Variants in IKZF4 observed in about 807,000 individuals in gnomAD.
IKZF4 encodes zinc finger protein Eos.
IKZF4 carries 11 observed loss-of-function variants against 47.7 expected under a neutral mutation model. The observed-to-expected ratio is 0.23, with a 90% CI of 0.15 to 0.38. IKZF4 has a LOEUF of 0.38. Ranked by LOEUF, IKZF4 falls within the 10% of genes least tolerant of loss-of-function variation. The pLI, the probability that IKZF4 is intolerant of heterozygous loss-of-function variation, is 1.00. For missense variants in IKZF4, 557 were observed against 784.9 expected, an observed-to-expected ratio of 0.71 and a Z score of 3.47; for synonymous variants, 298 against 299.4, an observed-to-expected ratio of 1.00 and a Z score of 0.05.
upstream of IKZF4, among the ~76,000 whole-genome samples, chr12:56,016,655 G>A (rs752851283): frequency 3.3e-5 from 5 of 151,874 alleles, no homozygotes; most frequent in Non-Finnish European, 5.9e-5. Flanking sequence ...GGAGTGCAAC[G>A]GCGTGATCTT....
At position 56,032,652 on chromosome 12, in the gene IKZF4, G is replaced by A; in HGVS notation, c.807G>A (p.Arg269=). The change falls in exon 6 of 8, where the codon CGG becomes CGA. Residue 269 remains arginine (R), a synonymous_variant. Coordinates refer to ENST00000547167, the MANE Select transcript of IKZF4 (RefSeq NM_022465.4). ...QQSTLEEHKE[R]CHNYLQSLST... ...GTACCCTGGAGGAGCACAAGGAGCG[G>A]TGCCATAACTACCTACAGAGTCTCA... The A allele has an allele frequency of 6.2e-7, 1 of 1,614,036 alleles. No individual in the cohort carries two copies. Among genetic ancestry groups the A allele is most frequent in the Non-Finnish European group, 8.5e-7 (1 of 1,179,900 alleles).
chr12:56,018,247 G>A (rs1331549394), upstream of IKZF4: 7 of 1,166,730 alleles, frequency 6.0e-6, no homozygotes, highest in Non-Finnish European at 8.0e-6. Context: ...AGAGCAGAGA[G>A]CCTTCAGCCT....
upstream of IKZF4, among the ~76,000 whole-genome samples, chr12:56,016,658 G>A (rs952658740): frequency 9.9e-5 from 15 of 151,644 alleles, no homozygotes; most frequent in African/African-American, 2.9e-4. Context: ...GTGCAACGGC[G>A]TGATCTTGGG....
rs904871226 is a variant in IKZF4 at position 56,032,717 on chromosome 12, C to A, written c.865+7C>A. The A allele has an allele frequency of 6.2e-7, 1 of 1,613,914 alleles. No homozygotes were observed. The highest frequency in any genetic ancestry group is 8.5e-7 in the Non-Finnish European group (1 of 1,179,842). ...GCTTTGGCTGGCCAACCAGGTAGGG[C>A]TATTGATGTACTACTGGGGAGTTAA... is the stretch of plus-strand genomic sequence containing the variant. On this transcript the variant is annotated splice_region_variant and intron_variant, in intron 6 of 7. Coordinates refer to ENST00000547167, the MANE Select transcript of IKZF4 (RefSeq NM_022465.4).
intron 1 of IKZF4, among the ~76,000 whole-genome samples, chr12:56,008,671 A>T (rs1363013543): frequency 4.0e-5 from 5 of 124,582 alleles, no homozygotes; most frequent in Admixed American, 1.8e-4. Context: ...CTTCCAGGAA[A>T]TTTTTTTTTT....
chr12:56,007,687 C>T (rs1026902864), exon 1 of IKZF4: 1 of 152,406 alleles, frequency 6.6e-6, no homozygotes, highest in Non-Finnish European at 1.5e-5. Context: ...CAACACTGTC[C>T]CCTCTCCCCA....
chr12:56,032,399 G>A (rs781163549), intron 5 of IKZF4, 162 bp from the exon 6 acceptor site: 6 of 652,508 alleles, frequency 9.2e-6, no homozygotes, highest in East Asian at 2.8e-5. Context: ...TCATCTGTCC[G>A]CGGTTGCAGT....
chr12:56,026,888 T>C lies in IKZF4; in HGVS notation c.394T>C (p.Leu132=), dbSNP rs779198598. 3 of 1,613,400 alleles carry C rather than the reference T, an allele frequency of 1.9e-6. No individual in the cohort carries two copies. Among genetic ancestry groups the C allele is most frequent in the South Asian group, 2.2e-5 (2 of 90,922 alleles). The change falls in exon 4 of 8, where the codon TTG becomes CTG. Residue 132 remains leucine, a synonymous_variant. Transcript: ENST00000547167. ...CGACAGCGTGATTGTGGAAGATTCATTGTCTGAGCCCCTGGGCTACTGTGA... is the reference window on the plus strand; with the variant it reads ...CGACAGCGTGATTGTGGAAGATTCACTGTCTGAGCCCCTGGGCTACTGTGA... ...KDDSVIVEDS[L]SEPLGYCDGS...
chr12:56,034,559 TG>T lies in IKZF4; in HGVS notation c.998-11del, dbSNP rs1565835030. ...TCCAAACCCAGCCCTGCTGAGTTCC[TG>T]TTCTCCACAGGCGAAAAGCAGATGC... is the stretch of plus-strand genomic sequence containing the variant. On this transcript the variant is annotated splice_polypyrimidine_tract_variant and intron_variant, in intron 7 of 7. Transcript: ENST00000547167. 4 of 1,586,692 alleles carry T rather than the reference TG, an allele frequency of 2.5e-6. No individual in the cohort carries two copies. In the South Asian group the frequency reaches 4.6e-5, roughly 18 times the overall value.
At chr12:56,017,516 C>T (rs910265834), upstream of IKZF4, among the ~76,000 whole-genome samples, 4 of 152,206 alleles carry the variant, frequency 2.6e-5, no homozygotes, top group East Asian at 1.9e-4. Context: ...TTCTTTGCCT[C>T]CTCAGGGCTG....
At chr12:56,018,083 C>T, upstream of IKZF4, 1 of 1,228,350 alleles carries the variant, frequency 8.1e-7, no homozygotes. Context: ...CTCCTCCCTT[C>T]CCAGAGCTAT....
Position 56,025,097 on chromosome 12 carries a change from A to G in IKZF4, c.225A>G (p.Pro75=), listed in dbSNP as rs781730186. Residue 75 remains proline, a synonymous_variant, in exon 3 of 8, where the codon CCA becomes CCG. Transcript: ENST00000547167. ...SSLEKEFLGA[P]VGPSVSTPNS... Reference sequence around the variant, plus strand: ...TGGAGAAGGAGTTCCTCGGGGCCCCAGTGGGGCCCTCGGTGAGCACCCCCA... The same window carrying G: ...TGGAGAAGGAGTTCCTCGGGGCCCCGGTGGGGCCCTCGGTGAGCACCCCCA... The G allele has an allele frequency of 6.2e-7, 1 of 1,602,934 alleles. No individual in the cohort carries two copies.
chr12:56,034,761 G>A lies in IKZF4; in HGVS notation c.1188G>A (p.Thr396=), dbSNP rs764677404. 9.9e-6 allele frequency: 16 copies of A among 1,613,894 alleles called. No individual in the cohort carries two copies. The East Asian group carries it at 2.2e-4, about 22-fold the overall frequency. ...CCACCAATTGCATCTCAGAACTCAC[G>A]CCTGTCATCAGCTCTGTCTACACCC... is the stretch of plus-strand genomic sequence containing the variant. ...LPPTNCISEL[T]PVISSVYTQM... The change falls in exon 8 of 8, where the codon ACG becomes ACA. Residue 396 remains threonine, a synonymous_variant. Transcript: ENST00000547167.
chr12:56,009,545 G>T (rs956091619), intron 1 of IKZF4, among the ~76,000 whole-genome samples: 15 of 152,206 alleles, frequency 9.9e-5, no homozygotes, highest in Non-Finnish European at 1.9e-4. Context: ...AGAACAGTCA[G>T]ATGAGTAGCT....
Position 56,034,904 on chromosome 12 carries a change from A to G in IKZF4, c.1331A>G (p.Asp444Gly), listed in dbSNP as rs1238326366. The change falls in exon 8 of 8, where the codon GAC (aspartate) becomes GGC (glycine). Residue 444 changes from aspartate to glycine, a missense_variant. Asp to Gly is a moderately conservative substitution (Grantham distance 94). Around this residue, in one of 6 missense-constraint regions of IKZF4, gnomAD observed 280 missense variants for 314.0 expected, o/e 0.89. Coordinates refer to ENST00000547167, the MANE Select transcript of IKZF4 (RefSeq NM_022465.4). ...LLYRPRGPLT[D>G]PGASPSNGCQ... ...TACCGGCCCCGAGGCCCCCTGACTGACCCTGGGGCATCCCCCAGCAATGGC... is the reference window on the plus strand; with the variant it reads ...TACCGGCCCCGAGGCCCCCTGACTGGCCCTGGGGCATCCCCCAGCAATGGC... 1 of 1,600,612 alleles carries G rather than the reference A, an allele frequency of 6.2e-7. No homozygotes were observed. The highest frequency in any genetic ancestry group is 2.3e-5 in the East Asian group (1 of 44,420).
intron 1 of IKZF4, among the ~76,000 whole-genome samples, chr12:56,022,705 G>T (rs1461643827): frequency 6.6e-6 from 1 of 151,940 alleles, no homozygotes; most frequent in Non-Finnish European, 1.5e-5. Context: ...GCATCAAAGA[G>T]CCTCTTGAAT....
In IKZF4 at chr12:56,021,519, G is replaced by C; in HGVS notation, c.26G>C (p.Arg9Pro). ...ATGCATACACCACCCGCACTCCCTC[G>C]CCGTTTCCAAGGCGGCGGCCGCGTT... MHTPPALP[R>P]RFQGGGRVRT... The change falls in exon 1 of 8, where the codon CGC becomes CCC. Residue 9 changes from arginine (R) to proline (P), a missense_variant. Coordinates refer to ENST00000547167, the MANE Select transcript of IKZF4 (RefSeq NM_022465.4). 2 of 1,607,646 alleles carry C rather than the reference G, an allele frequency of 1.2e-6. No homozygotes were observed. The highest frequency in any genetic ancestry group is 1.7e-6 in the Non-Finnish European group (2 of 1,177,638).
chr12:56,030,846 G>C (rs1894815531), intron 5 of IKZF4, among the ~76,000 whole-genome samples: 1 of 152,216 alleles, frequency 6.6e-6, no homozygotes, highest in Non-Finnish European at 1.5e-5. Context: ...AGTTAGATGG[G>C]AGGCATAAGT....
In IKZF4 at chr12:56,023,687, C is replaced by T; in HGVS notation, c.104C>T (p.Ser35Leu). Residue 35 changes from serine to leucine, a missense_variant, in exon 2 of 8, where the codon TCA becomes TTA. This residue lies in a region of IKZF4 where 112 missense variants were observed against 168.2 expected (regional missense o/e 0.67). Coordinates refer to ENST00000547167, the MANE Select transcript of IKZF4 (RefSeq NM_022465.4). ...QGKDNLERDP[S>L]GGCVPDFLPQ... ...TGACCAAAGCTGGAGAGGGATCCCT[C>T]AGGAGGGTGTGTTCCGGATTTCTTG... 1 of 1,613,978 alleles carries T rather than the reference C, an allele frequency of 6.2e-7. No individual in the cohort carries two copies. Among genetic ancestry groups the T allele is most frequent in the Non-Finnish European group, 8.5e-7 (1 of 1,179,854 alleles).
Sources: gnomAD v4.1 joint callset for allele counts (sites outside exome capture counted in the v4.1 genomes callset) on GRCh38, gnomAD v4.1.1 for gene constraint, gnomAD v4.1.1 regional missense constraint, MANE v1.5 for transcripts, NCBI Gene and HGNC (gene_info 2026-07-23, HGNC 2026-07-21) for gene names.